Variants in TMEM91 observed in about 807,000 individuals in gnomAD.
The protein encoded by TMEM91 is dispanin subfamily C member 3.
A neutral mutation model predicts 13.3 loss-of-function variants in TMEM91; 6 were observed. That is an observed-to-expected ratio of 0.45 (90% confidence interval 0.25 to 0.89). The LOEUF is 0.89. TMEM91 is among the 40% of genes least tolerant of loss of function. The pLI is 0.19. For missense variants in TMEM91, 193 were observed against 228.7 expected, an observed-to-expected ratio of 0.84 and a Z score of 1.01; for synonymous variants, 87 against 101.7, an observed-to-expected ratio of 0.86 and a Z score of 0.87.
intron 1 of TMEM91, among the ~76,000 whole-genome samples, chr19:41,365,876 A>G (rs1170637114): frequency 6.7e-6 from 1 of 149,898 alleles, no homozygotes; most frequent in African/African-American, 2.5e-5. Context: ...ATATCTAGCT[A>G]ATGTTTGTGC....
Position 41,382,754 on chromosome 19 carries a change from G to A in TMEM91, c.211-18G>A, listed in dbSNP as rs963229140. ...AAGGTGGATGGAGATGCCCACCTGG[G>A]CACTTTCCTGTCCGTAGGACATGTC... On this transcript the variant is annotated intron_variant, in intron 2 of 3. Coordinates refer to ENST00000392002, the MANE Select transcript of TMEM91 (RefSeq NM_001098821.2). 5 of 1,609,978 alleles carry A rather than the reference G, an allele frequency of 3.1e-6. No homozygotes were observed. In the African/African-American group the frequency reaches 4.0e-5, roughly 13 times the overall value.
Position 41,382,840 on chromosome 19 carries a change from C to G in TMEM91, c.279C>G (p.His93Gln), listed in dbSNP as rs200407337. Residue 93 changes from histidine (H) to glutamine (Q), a missense_variant, in exon 3 of 4, where the codon CAC becomes CAG. Coordinates refer to ENST00000392002, the MANE Select transcript of TMEM91 (RefSeq NM_001098821.2). Reference sequence around the variant, plus strand: ...GCCGTCTTTCACCATTTCTACCCCACGACCACCTCGGCTTGGCTGTCTTCT... The same window carrying G: ...GCCGTCTTTCACCATTTCTACCCCAGGACCACCTCGGCTTGGCTGTCTTCT... Reference protein sequence around the residue: ...GGSRLSPFLPHDHLGLAVFSM... With the variant: ...GGSRLSPFLPQDHLGLAVFSM... The G allele has an allele frequency of 6.2e-7, 1 of 1,614,206 alleles. No homozygotes were observed. Among genetic ancestry groups the G allele is most frequent in the East Asian group, 2.2e-5 (1 of 44,882 alleles).
At chr19:41,372,038 T>C (rs2038632881), upstream of TMEM91, among the ~76,000 whole-genome samples, 1 of 151,112 alleles carries the variant, frequency 6.6e-6, no homozygotes, top group African/African-American at 2.4e-5. Context: ...TTTTTTTAAG[T>C]TTTGGAGAGA....
In TMEM91 at chr19:41,379,997, C is replaced by A. The variant is rs552464043; in HGVS notation, c.210+1478C>A. 5.4e-5 allele frequency among the ~76,000 whole-genome samples: 8 copies of A among 148,096 alleles called. No homozygotes were observed. In the East Asian group the frequency reaches 1.6e-3, roughly 30 times the overall value. ...GCAACCTCCGCCTCCTGGGTTCAAG[C>A]AAATTCCCCTGCCTCAGCCTCCTGA... On this transcript the variant is annotated intron_variant, in intron 2 of 3. Coordinates refer to ENST00000392002, the MANE Select transcript of TMEM91 (RefSeq NM_001098821.2).
At chr19:41,380,194 G>A (rs988340223) in intron 2 of TMEM91, among the ~76,000 whole-genome samples, 5 of 151,936 alleles carry the variant, frequency 3.3e-5, no homozygotes, top group Non-Finnish European at 5.9e-5. Flanking sequence ...GTGCCCAGCC[G>A]AGTCTTAGGG....
At chr19:41,365,859 C>T (rs936396303) in intron 1 of TMEM91, among the ~76,000 whole-genome samples, 1 of 151,080 alleles carries the variant, frequency 6.6e-6, no homozygotes, top group East Asian at 1.9e-4. Context: ...TGCAGGCACC[C>T]ACCACTATAT....
At chr19:41,373,927 C>A, upstream of TMEM91, 1 of 152,422 alleles carries the variant, frequency 6.6e-6, no homozygotes, top group South Asian at 2.0e-4. Flanking sequence ...GTCCTCCCTC[C>A]TCGGCCTCCC....
At chr19:41,375,283 T>TC (rs2038693411), upstream of TMEM91, among the ~76,000 whole-genome samples, 2 of 85,314 alleles carry the variant, frequency 2.3e-5, no homozygotes, top group African/African-American at 4.1e-5. Context: ...CTTTTTTTTT[T>TC]TTTTTTTTTT....
chr19:41,382,213 T>C (rs1213588103), intron 2 of TMEM91, among the ~76,000 whole-genome samples: 5 of 152,258 alleles, frequency 3.3e-5, no homozygotes, highest in Middle Eastern at 3.4e-3. Flanking sequence ...GTAGCGTCCA[T>C]GATTGGATCC....
intron 1 of TMEM91, among the ~76,000 whole-genome samples, chr19:41,369,677 G>A (rs998549685): frequency 4.0e-5 from 6 of 151,730 alleles, no homozygotes; most frequent in Admixed American, 6.6e-5. Context: ...ACGTGGTGGC[G>A]AGCGCCTGTA....
chr19:41,369,506 TAAAA>T (rs569474645), intron 1 of TMEM91, among the ~76,000 whole-genome samples: 1 of 123,310 alleles, frequency 8.1e-6, no homozygotes, highest in Non-Finnish European at 1.6e-5. Context: ...ACTGCACCTC[TAAAA>T]AAAAAAAAAA....
chr19:41,371,354 C>CTTCCTTCCTTCT (rs1167361750), intron 1 of TMEM91, among the ~76,000 whole-genome samples: 38 of 146,996 alleles, frequency 2.6e-4, no homozygotes, highest in East Asian at 1.8e-3. Context: ...TCCTTCCTTC[C>CTTCCTTCCTTCT]TTCCTTCCTT....
intron 3 of TMEM91, chr19:41,383,409 T>C (rs895675615): frequency 1.1e-6 from 1 of 949,296 alleles, no homozygotes; most frequent in African/African-American, 1.7e-5. Context: ...TTTCCTCATC[T>C]GTAAAGTGGG....
At chr19:41,379,593 GGAAA>G (rs1293380032) in intron 2 of TMEM91, among the ~76,000 whole-genome samples, 54 of 147,284 alleles carry the variant, frequency 3.7e-4, no homozygotes, top group Non-Finnish European at 7.8e-4. Flanking sequence ...GAGGGAGGAA[GGAAA>G]GAAAGAAAAG....
intron 1 of TMEM91, among the ~76,000 whole-genome samples, chr19:41,366,237 C>T (rs1326443090): frequency 6.6e-6 from 1 of 151,784 alleles, no homozygotes; most frequent in African/African-American, 2.4e-5. Context: ...CAGCTCTAAC[C>T]TTTCAGCTCT....
intron 1 of TMEM91, 90 bp downstream of exon 1, chr19:41,376,944 T>C (rs918796091): frequency 6.6e-6 from 1 of 152,316 alleles, no homozygotes; most frequent in African/African-American, 2.4e-5. Context: ...GGCGAGGAAA[T>C]CGGCTCAGTC....
At chr19:41,372,112 G>GC (rs1241693525), upstream of TMEM91, among the ~76,000 whole-genome samples, 2 of 151,980 alleles carry the variant, frequency 1.3e-5, no homozygotes, top group Admixed American at 6.6e-5. Context: ...GCAGTAGGGG[G>GC]CGGGGGTGGG....
chr19:41,377,856 C>CA (rs533325790), intron 1 of TMEM91, among the ~76,000 whole-genome samples: 11,188 of 143,636 alleles, frequency 0.078, 495 homozygotes, highest in Non-Finnish European at 0.11. Flanking sequence ...ACTAAAAATA[C>CA]AAAAAAAAAA....
rs370832248 is a variant in TMEM91, at chr19:41,378,441, G to A, written c.132G>A (p.Leu44=). 1 of 1,614,174 alleles carries A rather than the reference G, an allele frequency of 6.2e-7. No homozygotes were observed. The highest frequency in any genetic ancestry group is 8.5e-7 in the Non-Finnish European group (1 of 1,180,030). Residue 44 remains leucine (L), a synonymous_variant, in exon 2 of 4, where the codon CTG becomes CTA. Coordinates refer to ENST00000392002, the MANE Select transcript of TMEM91 (RefSeq NM_001098821.2). ...GAGAGATAGCCTTTGCCGAGTCCCT[G>A]AGGGGTTTGCAGTTCCTGTCACCGC... The part of the protein sequence containing the change: ...PLREIAFAES[L]RGLQFLSPPL...
Sources: allele counts gnomAD v4.1 joint callset (sites outside exome capture counted in the v4.1 genomes callset), GRCh38; gene constraint gnomAD v4.1.1; transcripts MANE v1.5; gene names NCBI Gene and HGNC (gene_info 2026-07-23, HGNC 2026-07-21).